The following ARHGEF10L variants were observed in gnomAD, a reference collection of about 807,000 sequenced individuals.
ARHGEF10L encodes Rho guanine nucleotide exchange factor 10 like.
ARHGEF10L carries 69 observed loss-of-function variants against 141.2 expected under a neutral mutation model. The observed-to-expected ratio is 0.49, with a 90% CI of 0.40 to 0.60. The LOEUF (loss-of-function observed/expected upper bound fraction) is 0.60, where lower values mean the gene tolerates loss of function less well. ARHGEF10L is among the 20% of genes least tolerant of loss of function. The pLI, the probability that ARHGEF10L is intolerant of heterozygous loss-of-function variation, is 0.00. For missense variants in ARHGEF10L, 1,482 were observed against 1,734.3 expected (o/e 0.85, Z 2.58); for synonymous variants, 711 against 718.5 (o/e 0.99, Z 0.17).
chr1:17,576,586 A>G (rs2078234473), intron 1 of ARHGEF10L, among the ~76,000 whole-genome samples: 1 of 152,106 alleles, frequency 6.6e-6, no homozygotes, highest in African/African-American at 2.4e-5. Flanking sequence ...AAGAGAAAAC[A>G]ATCTCCTATA....
chr1:17,674,345 T>C (rs2102316506), intron 26 of ARHGEF10L, among the ~76,000 whole-genome samples: 1 of 152,226 alleles, frequency 6.6e-6, no homozygotes, highest in Admixed American at 6.5e-5. Context: ...CCCAGGTACC[T>C]GGGGAGAGAA....
chr1:17,656,470 C>G lies in ARHGEF10L; in HGVS notation c.2706-84C>G. 2.0e-6 allele frequency: 3 copies of G among 1,504,098 alleles called. No individual in the cohort carries two copies. Among genetic ancestry groups the G allele is most frequent in the Non-Finnish European group, 2.7e-6 (3 of 1,109,142 alleles). The allele number at this position is 1,504,098 out of a possible 1,614,324, so 93.2% of individuals were successfully genotyped here. ...GCTGAGAGGGGTCAGCTCCCTGGGG[C>G]CCTCTCCCTAGGAGGGCATGGGGGC... On this transcript the variant is annotated intron_variant, in intron 24 of 28. Coordinates refer to ENST00000361221, the MANE Select transcript of ARHGEF10L (RefSeq NM_018125.4). The surrounding 1 kb of genome is among the most constrained non-coding windows in gnomAD (Gnocchi z 4.9).
chr1:17,692,211 T>C (rs1165081248), intron 27 of ARHGEF10L, among the ~76,000 whole-genome samples: 1 of 152,152 alleles, frequency 6.6e-6, no homozygotes, highest in Non-Finnish European at 1.5e-5. Context: ...GTTTGTGAAA[T>C]AGCCCCTGTT....
intron 1 of ARHGEF10L, among the ~76,000 whole-genome samples, chr1:17,550,343 T>A (rs2077064580): frequency 1.3e-5 from 2 of 152,010 alleles, no homozygotes; most frequent in Admixed American, 6.6e-5. Flanking sequence ...AAAGGCTGGT[T>A]AGAAGTCCAA....
intron 26 of ARHGEF10L, among the ~76,000 whole-genome samples, chr1:17,676,332 TGTGGGTGCAGGC>T (rs1419228425): frequency 2.2e-5 from 3 of 138,106 alleles, no homozygotes; most frequent in South Asian, 2.4e-4. Context: ...TATGTTCACG[TGTGGGTGCAGGC>T]GTGGGTGCAG....
intron 4 of ARHGEF10L, among the ~76,000 whole-genome samples, chr1:17,599,561 G>A (rs1485140192): frequency 2.0e-5 from 3 of 152,156 alleles, no homozygotes; most frequent in Admixed American, 1.3e-4. Context: ...GCGCCTTCAG[G>A]ATGTTTCTGT....
At chr1:17,518,991 C>T in the ARHGEF10L span, among the ~76,000 whole-genome samples, 21 of 150,238 alleles carry the variant, frequency 1.4e-4, no homozygotes, top group Non-Finnish European at 4.4e-5. Flanking sequence ...GCCTGACCAA[C>T]ATGGAGAAAC....
intron 1 of ARHGEF10L, among the ~76,000 whole-genome samples, chr1:17,555,287 A>G (rs1172678418): frequency 1.3e-5 from 2 of 151,598 alleles, no homozygotes; most frequent in Non-Finnish European, 2.9e-5. Flanking sequence ...ACCTATTGAC[A>G]TATTTCAGGG....
intron 17 of ARHGEF10L, 126 bp downstream of exon 17, chr1:17,634,688 C>A: frequency 6.8e-7 from 1 of 1,466,808 alleles, no homozygotes; most frequent in Non-Finnish European, 9.2e-7. Flanking sequence ...GGGATCCCTG[C>A]TCTGCCTGGC....
Position 17,697,727 on chromosome 1 carries a change from T to C in ARHGEF10L, c.*347T>C, listed in dbSNP as rs1308872954. 4.0e-6 allele frequency: 2 copies of C among 505,490 alleles called. No individual in the cohort carries two copies. The highest frequency in any genetic ancestry group is 3.8e-5 in the African/African-American group (2 of 52,214). 31.3% of individuals were successfully genotyped at this position (505,490 alleles called of 1,614,324 possible). A position where few individuals can be genotyped will look rare whatever the true frequency, so the allele number is the denominator to read the frequency against. Reference sequence around the variant, plus strand: ...CGCCCCTCCTGGAAGGGTGTGTGCGTGTGAGTGTGTGCGAGTGTGTGGGCT... The same window carrying C: ...CGCCCCTCCTGGAAGGGTGTGTGCGCGTGAGTGTGTGCGAGTGTGTGGGCT... On this transcript the variant is annotated 3_prime_UTR_variant, in exon 29 of 29. Coordinates refer to ENST00000361221, the MANE Select transcript of ARHGEF10L (RefSeq NM_018125.4). The surrounding 1 kb of genome is among the most constrained non-coding windows in gnomAD (Gnocchi z 4.8).
chr1:17,695,127 G>A (rs2065399170), intron 27 of ARHGEF10L, 31 bp from the exon 28 acceptor site: 1 of 1,611,406 alleles, frequency 6.2e-7, no homozygotes, highest in Non-Finnish European at 8.5e-7. Flanking sequence ...TCCCCAGGAG[G>A]GCACTGCTCA....
chr1:17,623,067 C>T lies in ARHGEF10L; in HGVS notation c.1092C>T (p.Phe364=), dbSNP rs55693639. The part of the protein sequence containing the change: ...LSARKCQVVF[F]RVKEILHCHS... Reference sequence around the variant, plus strand: ...CCCGCAAGTGCCAGGTGGTGTTCTTCCGCGTGAAGGAGATCCTGCACTGCC... The same window carrying T: ...CCCGCAAGTGCCAGGTGGTGTTCTTTCGCGTGAAGGAGATCCTGCACTGCC... The change falls in exon 12 of 29, where the codon TTC becomes TTT. Residue 364 remains phenylalanine (F), a synonymous_variant. Coordinates refer to ENST00000361221, the MANE Select transcript of ARHGEF10L (RefSeq NM_018125.4). The surrounding 1 kb of genome is among the most constrained non-coding windows in gnomAD (Gnocchi z 4.7). 70,617 of 1,614,132 alleles carry T rather than the reference C, an allele frequency of 0.044. 1,740 individuals carry two copies. Among genetic ancestry groups the T allele is most frequent in the Middle Eastern group, 0.069 (417 of 6,060 alleles).
intron 14 of ARHGEF10L, 55 bp downstream of exon 14, chr1:17,626,103 A>C: frequency 6.5e-7 from 1 of 1,540,534 alleles, no homozygotes; most frequent in Non-Finnish European, 9.0e-7. Flanking sequence ...GTGGGCTGGG[A>C]GGTGCCTCCT....
chr1:17,522,653 G>C, the ARHGEF10L span, among the ~76,000 whole-genome samples: 1 of 152,088 alleles, frequency 6.6e-6, no homozygotes, highest in African/African-American at 2.4e-5. Context: ...TGAGGTGGCT[G>C]GGGGCTACCC....
rs573967381 is a variant in ARHGEF10L, at chr1:17,673,979, C to G, written c.3009+9384C>G. On this transcript the variant is annotated intron_variant, in intron 26 of 28. Coordinates refer to ENST00000361221, the MANE Select transcript of ARHGEF10L (RefSeq NM_018125.4). The surrounding 1 kb of genome is among the most constrained non-coding windows in gnomAD (Gnocchi z 4.1). ...GGTGCCTCTGATTCTGAAGCCCCCA[C>G]CTGGTCTGCCGTCCTCTGCCCCATC... Among the ~76,000 whole-genome samples, 2 of 152,226 alleles carry G rather than the reference C, an allele frequency of 1.3e-5. No individual in the cohort carries two copies. Among genetic ancestry groups the G allele is most frequent in the South Asian group, 2.1e-4 (1 of 4,826 alleles).
Position 17,627,307 on chromosome 1 carries a change from C to A in ARHGEF10L, c.1411-23C>A. On this transcript the variant is annotated intron_variant, in intron 14 of 28. Transcript: ENST00000361221. The surrounding 1 kb of genome is among the most constrained non-coding windows in gnomAD (Gnocchi z 4.0). ...TAGAGTTGGTCATGGGTGGGCTGCT[C>A]AGTCTCTGCTCTGACCTGGCAGGAC... 1 of 1,606,888 alleles carries A rather than the reference C, an allele frequency of 6.2e-7. No homozygotes were observed. The highest frequency in any genetic ancestry group is 1.1e-5 in the South Asian group (1 of 90,700).
At chr1:17,674,528 A>G (rs1460324529) in intron 26 of ARHGEF10L, among the ~76,000 whole-genome samples, 1 of 152,132 alleles carries the variant, frequency 6.6e-6, no homozygotes, top group Non-Finnish European at 1.5e-5. Context: ...CCAGGAAGGA[A>G]CCCAGGAGGG....
rs747957617 is a variant in ARHGEF10L, at chr1:17,656,059, G to T, written c.2662G>T (p.Ala888Ser). 31 of 1,564,310 alleles carry T rather than the reference G, an allele frequency of 2.0e-5. No individual in the cohort carries two copies. Among genetic ancestry groups the T allele is most frequent in the Non-Finnish European group, 2.6e-5 (30 of 1,154,138 alleles). ...GAGCCCGACAGTTGCTGACCCCTCG[G>T]CCACGGTGCATCCAACCATCTGCCT... is the stretch of plus-strand genomic sequence containing the variant. Reference protein sequence around the residue: ...DESPTVADPSATVHPTICLGL... With the variant: ...DESPTVADPSSTVHPTICLGL... Residue 888 changes from alanine (A) to serine (S), a missense_variant, in exon 24 of 29, where the codon GCC becomes TCC. Physicochemically the swap from Ala to Ser is moderately conservative, Grantham distance 99 (BLOSUM62 1). This residue lies in a region of ARHGEF10L where 858 missense variants were observed against 966.3 expected (regional missense o/e 0.89). Coordinates refer to ENST00000361221, the MANE Select transcript of ARHGEF10L (RefSeq NM_018125.4). The surrounding 1 kb of genome is among the most constrained non-coding windows in gnomAD (Gnocchi z 4.9).
At position 17,574,633 on chromosome 1, in the gene ARHGEF10L, C is replaced by A. The variant is rs1203351482; in HGVS notation, c.-43-5920C>A. On this transcript the variant is annotated intron_variant, in intron 1 of 28. Coordinates refer to ENST00000361221, the MANE Select transcript of ARHGEF10L (RefSeq NM_018125.4). Reference sequence around the variant, plus strand: ...GTCTGGGCTGGCTTCATACCAAGGCCGGGTTCCTGTCCACACACCTCATCC... The same window carrying A: ...GTCTGGGCTGGCTTCATACCAAGGCAGGGTTCCTGTCCACACACCTCATCC... 3.4e-4 allele frequency among the ~76,000 whole-genome samples: 52 copies of A among 152,162 alleles called. 1 individual carries two copies. Among genetic ancestry groups the A allele is most frequent in the Admixed American group, 3.4e-3 (52 of 15,280 alleles).
Sources: gnomAD v4.1 joint callset for allele counts (sites outside exome capture counted in the v4.1 genomes callset) on GRCh38, gnomAD v4.1.1 for gene constraint, gnomAD v4.1.1 regional missense constraint, Gnocchi (gnomAD v3.1) non-coding constraint, MANE v1.5 for transcripts, NCBI Gene and HGNC (gene_info 2026-07-23, HGNC 2026-07-21) for gene names.